Variants in DOCK1 observed in about 807,000 individuals in gnomAD.
DOCK1 encodes the protein dedicator of cytokinesis protein 1.
A neutral mutation model predicts 262.7 loss-of-function variants in DOCK1; 138 were observed. That is an observed-to-expected ratio of 0.53 (90% CI 0.46 to 0.61). The LOEUF (loss-of-function observed/expected upper bound fraction) is 0.61, where lower values mean the gene tolerates loss of function less well. DOCK1 is among the 20% of genes least tolerant of loss of function. The pLI is 0.00. For missense variants in DOCK1, 1,908 were observed against 2,370.7 expected (o/e 0.80, Z 4.05); for synonymous variants, 866 against 867.4 (o/e 1.00, Z 0.03).
intron 27 of DOCK1, among the ~76,000 whole-genome samples, chr10:127,192,936 T>C (rs2134123347): frequency 6.6e-6 from 1 of 152,260 alleles, no homozygotes; most frequent in Admixed American, 6.5e-5. Flanking sequence ...AGTCATGAAG[T>C]TTCACTACAT....
At chr10:126,925,529 G>A (rs190728776) in intron 1 of DOCK1, among the ~76,000 whole-genome samples, 423 of 152,178 alleles carry the variant, frequency 2.8e-3, no homozygotes, top group Non-Finnish European at 5.1e-3. Flanking sequence ...GATTACAGGC[G>A]CCCACCACCA....
rs1434996683 is a variant in DOCK1, at chr10:127,175,475, G to C, written c.2847+47711G>C. Reference sequence around the variant, plus strand: ...GGGACAGGCACTGCATCGGGGGTGAGCAGGCCAGGGCAGTTTCCGAGGGCG... The same window carrying C: ...GGGACAGGCACTGCATCGGGGGTGACCAGGCCAGGGCAGTTTCCGAGGGCG... On this transcript the variant is annotated intron_variant, in intron 27 of 51. Transcript: ENST00000623213. The surrounding 1 kb of genome is among the most constrained non-coding windows in gnomAD (Gnocchi z 6.3). 2.5e-6 allele frequency: 4 copies of C among 1,609,250 alleles called. No individual in the cohort carries two copies. Among genetic ancestry groups the C allele is most frequent in the Non-Finnish European group, 3.4e-6 (4 of 1,180,012 alleles).
rs867187743 is a variant in DOCK1, at chr10:127,423,965, A to G, written c.4777-1909A>G. ...CAGATTCCTGGGATCTGCCTACAGC[A>G]AATCAGGGCTCTGGAGGTGGGGTTC... On this transcript the variant is annotated intron_variant, in intron 46 of 51. Coordinates refer to ENST00000623213, the MANE Select transcript of DOCK1 (RefSeq NM_001290223.2). 2.0e-5 allele frequency among the ~76,000 whole-genome samples: 3 copies of G among 152,304 alleles called. No individual in the cohort carries two copies. The South Asian group carries it at 6.2e-4, about 32-fold the overall frequency.
At chr10:127,107,761 T>C (rs1158074357) in intron 24 of DOCK1, among the ~76,000 whole-genome samples, 23 of 152,202 alleles carry the variant, frequency 1.5e-4, no homozygotes, top group Admixed American at 1.5e-3. Flanking sequence ...TCCAGGGCTC[T>C]CTCATATTTT....
At chr10:127,201,466 A>C (rs111784505) in intron 27 of DOCK1, among the ~76,000 whole-genome samples, 1 of 152,148 alleles carries the variant, frequency 6.6e-6, no homozygotes, top group African/African-American at 2.4e-5. Flanking sequence ...CTGAAATACA[A>C]ATTTGTTTTG....
chr10:127,227,531 C>T (rs1475492667), intron 27 of DOCK1, among the ~76,000 whole-genome samples: 1 of 152,240 alleles, frequency 6.6e-6, no homozygotes, highest in Non-Finnish European at 1.5e-5. Flanking sequence ...AGCACTTTAA[C>T]TGAAACATCT....
chr10:127,287,944 T>C (rs975776340), intron 29 of DOCK1, among the ~76,000 whole-genome samples: 2 of 152,232 alleles, frequency 1.3e-5, no homozygotes, highest in African/African-American at 2.4e-5. Context: ...CTGTCTGCTT[T>C]CATTAGCCAG....
At chr10:127,022,671 CAG>C (rs1186530220) in intron 13 of DOCK1, among the ~76,000 whole-genome samples, 10 of 152,206 alleles carry the variant, frequency 6.6e-5, no homozygotes, top group African/African-American at 2.2e-4. Flanking sequence ...GATGGGATCA[CAG>C]GGGTGAGCCA....
At chr10:127,354,023 A>T (rs1298718215) in intron 31 of DOCK1, among the ~76,000 whole-genome samples, 4 of 152,198 alleles carry the variant, frequency 2.6e-5, no homozygotes, top group African/African-American at 9.7e-5. Context: ...TTAGGCAATA[A>T]AAGAAAAAGT....
intron 22 of DOCK1, among the ~76,000 whole-genome samples, chr10:127,053,790 G>C (rs562424835): frequency 1.8e-4 from 27 of 152,326 alleles, no homozygotes; most frequent in African/African-American, 6.0e-4. Context: ...GACTTTCTAA[G>C]TTGGCCCACG....
chr10:127,355,236 TTAAG>T (rs2064088859), intron 32 of DOCK1, among the ~76,000 whole-genome samples: 1 of 152,238 alleles, frequency 6.6e-6, no homozygotes, highest in Non-Finnish European at 1.5e-5. Flanking sequence ...TATTTGTAAA[TTAAG>T]TAATTTTTTC....
At chr10:126,973,076 T>C (rs1364789807) in intron 2 of DOCK1, among the ~76,000 whole-genome samples, 1 of 152,074 alleles carries the variant, frequency 6.6e-6, no homozygotes, top group East Asian at 1.9e-4. Context: ...TATCTTGTTT[T>C]ACTTTTGCTG....
intron 29 of DOCK1, among the ~76,000 whole-genome samples, chr10:127,281,123 T>C (rs1413107822): frequency 6.6e-6 from 1 of 152,230 alleles, no homozygotes; most frequent in Admixed American, 6.5e-5. Context: ...AAGTGGAGGC[T>C]CCAGGGCTTT....
At chr10:127,228,956 G>A (rs991775104) in intron 27 of DOCK1, among the ~76,000 whole-genome samples, 4 of 152,096 alleles carry the variant, frequency 2.6e-5, no homozygotes, top group Admixed American at 6.5e-5. Context: ...TCTTTGGCCG[G>A]GTGCAGTGGC....
At chr10:127,366,131 G>C (rs1375037799) in intron 33 of DOCK1, among the ~76,000 whole-genome samples, 1 of 151,942 alleles carries the variant, frequency 6.6e-6, no homozygotes, top group Non-Finnish European at 1.5e-5. Context: ...TCAGCTACCT[G>C]AACTGTTGGT....
intron 23 of DOCK1, among the ~76,000 whole-genome samples, chr10:127,076,535 G>A (rs891646674): frequency 1.3e-5 from 2 of 152,154 alleles, no homozygotes; most frequent in Admixed American, 6.5e-5. Flanking sequence ...ACCAGAAAAC[G>A]GGTCGTGGCG....
At chr10:127,238,497 G>T (rs1208619618) in intron 27 of DOCK1, among the ~76,000 whole-genome samples, 1 of 152,036 alleles carries the variant, frequency 6.6e-6, no homozygotes, top group African/African-American at 2.4e-5. Context: ...TCTTCATTCC[G>T]TGTTTTTTTG....
chr10:127,071,086 A>G (rs1290578823), intron 23 of DOCK1, among the ~76,000 whole-genome samples: 1 of 152,188 alleles, frequency 6.6e-6, no homozygotes, highest in Non-Finnish European at 1.5e-5. Context: ...AAGACTCAGC[A>G]GAAGAAGGAA....
At chr10:127,113,925 A>G (rs948347221) in intron 25 of DOCK1, among the ~76,000 whole-genome samples, 1 of 152,202 alleles carries the variant, frequency 6.6e-6, no homozygotes, top group Non-Finnish European at 1.5e-5. Context: ...TCTCTGCTGG[A>G]AACATCCTTA....
Sources: allele counts gnomAD v4.1 joint callset (sites outside exome capture counted in the v4.1 genomes callset), GRCh38; gene constraint gnomAD v4.1.1; non-coding constraint Gnocchi (gnomAD v3.1); transcripts MANE v1.5; gene names NCBI Gene and HGNC (gene_info 2026-07-23, HGNC 2026-07-21).